LYPLA1: variants seen among roughly 807,000 people sequenced by gnomAD.
LYPLA1 encodes the protein acyl-protein thioesterase 1.
Under a neutral mutation model 34.0 loss-of-function variants are expected in LYPLA1, and 17 were observed. The observed-to-expected ratio is 0.50, with a 90% CI of 0.34 to 0.75. The LOEUF (loss-of-function observed/expected upper bound fraction) is 0.75. Ranked by LOEUF, LYPLA1 falls within the 30% of genes least tolerant of loss-of-function variation. The pLI is 0.01. For synonymous variants in LYPLA1, 98 were observed against 100.8 expected, an observed-to-expected ratio of 0.97 and a Z score of 0.17; for missense variants, 203 against 288.8, an observed-to-expected ratio of 0.70 and a Z score of 2.15.
At chr8:54,060,870 T>C (rs989862364) in intron 5 of LYPLA1, among the ~76,000 whole-genome samples, 18 of 151,692 alleles carry the variant, frequency 1.2e-4, no homozygotes, top group African/African-American at 4.4e-4. Flanking sequence ...TTTTTTTGTA[T>C]TTTTAGTAGA....
chr8:54,060,274 C>T (rs376922244), intron 5 of LYPLA1, among the ~76,000 whole-genome samples: 8 of 152,094 alleles, frequency 5.3e-5, no homozygotes, highest in African/African-American at 1.7e-4. Flanking sequence ...TACGGGCAGG[C>T]GCTACCATGC....
intron 2 of LYPLA1, among the ~76,000 whole-genome samples, chr8:54,098,608 G>C (rs1432096435): frequency 6.6e-6 from 1 of 151,956 alleles, no homozygotes; most frequent in Non-Finnish European, 1.5e-5. Context: ...TTGAACCCGA[G>C]TGGCAGAGGT....
chr8:54,046,034 C>G (rs1424139248), downstream of LYPLA1, among the ~76,000 whole-genome samples: 2 of 151,984 alleles, frequency 1.3e-5, no homozygotes, highest in Non-Finnish European at 2.9e-5. Context: ...GCACCCCAGC[C>G]TGGGTGACAG....
intron 2 of LYPLA1, among the ~76,000 whole-genome samples, chr8:54,080,311 T>C (rs546648602): frequency 1.3e-5 from 2 of 151,718 alleles, no homozygotes; most frequent in Admixed American, 6.6e-5. Context: ...ACGAGCGTAC[T>C]ATGCCACTGC....
At position 54,051,076 on chromosome 8, in the gene LYPLA1, A is replaced by G. The variant is rs1213882656; in HGVS notation, c.575T>C (p.Leu192Ser). Residue 192 changes from leucine to serine, a missense_variant, in exon 8 of 9, where the codon TTG becomes TCG. Physicochemically the swap from Leu to Ser is moderately radical, Grantham distance 145 (BLOSUM62 -2). Coordinates refer to ENST00000316963, the MANE Select transcript of LYPLA1 (RefSeq NM_006330.4). ...AAAGGTCACATTGGCTGGATTCACC[A>G]ATGTTTTTAGTTTTTCCACCGTAAG... ...GSLTVEKLKTLVNPANVTFKT... is the reference protein window; with the variant it reads ...GSLTVEKLKTSVNPANVTFKT... The G allele has an allele frequency of 1.2e-6, 2 of 1,613,882 alleles. No individual in the cohort carries two copies. The highest frequency in any genetic ancestry group is 3.3e-5 in the Admixed American group (2 of 59,992).
At chr8:54,061,269 C>A (rs574550443) in intron 5 of LYPLA1, among the ~76,000 whole-genome samples, 6 of 151,972 alleles carry the variant, frequency 3.9e-5, no homozygotes, top group Non-Finnish European at 5.9e-5. Flanking sequence ...TTAGTAGAAA[C>A]GGGGTTTCAC....
At chr8:54,087,581 C>T (rs1563653208) in intron 2 of LYPLA1, among the ~76,000 whole-genome samples, 1 of 152,228 alleles carries the variant, frequency 6.6e-6, no homozygotes, top group Non-Finnish European at 1.5e-5. Context: ...TGCAAAGACA[C>T]CCCACGCAAT....
At chr8:54,053,095 CTTTT>C (rs374207905) in intron 6 of LYPLA1, 27 of 158,814 alleles carry the variant, frequency 1.7e-4, no homozygotes, top group East Asian at 7.9e-4. Flanking sequence ...ATTGGTATTA[CTTTT>C]TTTTTTTTTT....
intron 2 of LYPLA1, among the ~76,000 whole-genome samples, chr8:54,075,926 T>G (rs1187867453): frequency 1.3e-5 from 2 of 152,184 alleles, no homozygotes; most frequent in African/African-American, 4.8e-5. Flanking sequence ...TCATTATTGA[T>G]TGGTCCCCTA....
intron 5 of LYPLA1, among the ~76,000 whole-genome samples, chr8:54,057,352 T>C (rs1003335106): frequency 6.6e-6 from 1 of 152,184 alleles, no homozygotes; most frequent in Non-Finnish European, 1.5e-5. Context: ...TGAAGAGATA[T>C]CTGTACTCCC....
At chr8:54,061,550 A>G (rs1425832825) in intron 5 of LYPLA1, among the ~76,000 whole-genome samples, 1 of 152,228 alleles carries the variant, frequency 6.6e-6, no homozygotes, top group African/African-American at 2.4e-5. Context: ...GTGGCAAACA[A>G]GTAACAGAGT....
At chr8:54,073,903 T>C (rs1417595006) in intron 2 of LYPLA1, among the ~76,000 whole-genome samples, 2 of 152,266 alleles carry the variant, frequency 1.3e-5, no homozygotes, top group Non-Finnish European at 2.9e-5. Context: ...TTCAGATTAT[T>C]AGAGACTAAT....
intron 2 of LYPLA1, among the ~76,000 whole-genome samples, chr8:54,087,399 G>A (rs533696497): frequency 4.6e-5 from 7 of 152,288 alleles, no homozygotes; most frequent in East Asian, 1.9e-4. Flanking sequence ...CCGGGAAGCC[G>A]AGGCAGAAGA....
intron 2 of LYPLA1, among the ~76,000 whole-genome samples, chr8:54,071,045 G>A (rs1322037919): frequency 2.0e-5 from 3 of 152,100 alleles, no homozygotes; most frequent in African/African-American, 7.2e-5. Flanking sequence ...AAATAAAGAC[G>A]AAGAATGCAT....
chr8:54,065,657 T>G, intron 3 of LYPLA1, 91 bp downstream of exon 3: 1 of 814,996 alleles, frequency 1.2e-6, no homozygotes, highest in Middle Eastern at 3.8e-4. Context: ...AAAAATTAAC[T>G]GTATTCAAAT....
intron 2 of LYPLA1, among the ~76,000 whole-genome samples, chr8:54,097,943 C>G (rs1426763625): frequency 6.6e-6 from 1 of 152,218 alleles, no homozygotes; most frequent in Non-Finnish European, 1.5e-5. Flanking sequence ...GCACTACAGG[C>G]TGGGCGAGGT....
chr8:54,099,572 G>A (rs1277533240), intron 2 of LYPLA1, among the ~76,000 whole-genome samples: 1 of 152,176 alleles, frequency 6.6e-6, no homozygotes, highest in African/African-American at 2.4e-5. Context: ...AGCTACTCGG[G>A]AGACCCAGGA....
chr8:54,062,105 G>T (rs947236397), intron 5 of LYPLA1, 149 bp downstream of exon 5: 1 of 551,512 alleles, frequency 1.8e-6, no homozygotes, highest in Non-Finnish European at 3.2e-6. Flanking sequence ...TGACCCACCC[G>T]CCTCTACTTC....
At chr8:54,081,724 G>GT (rs1433935289) in intron 2 of LYPLA1, among the ~76,000 whole-genome samples, 4,840 of 138,470 alleles carry the variant, frequency 0.035, 168 homozygotes, top group African/African-American at 0.094. Context: ...CTTTCTTTTC[G>GT]TTTTTTTTTT....
Sources: allele counts gnomAD v4.1 joint callset (sites outside exome capture counted in the v4.1 genomes callset), GRCh38; gene constraint gnomAD v4.1.1; transcripts MANE v1.5; gene names NCBI Gene and HGNC (gene_info 2026-07-23, HGNC 2026-07-21).